The following SEC24D variants were observed in gnomAD, a reference collection of about 807,000 sequenced individuals.
The protein encoded by SEC24D is protein transport protein Sec24D.
In SEC24D, 69 loss-of-function variants were observed where a neutral mutation model predicts 116.9. The observed-to-expected ratio is 0.59, with a 90% CI of 0.49 to 0.72. The LOEUF (loss-of-function observed/expected upper bound fraction) is 0.72, where lower values mean the gene tolerates loss of function less well. SEC24D is among the 30% of genes least tolerant of loss of function. The probability of loss-of-function intolerance (pLI) is 0.00; values close to 1 mark genes in which losing one functional copy is unlikely to be tolerated. For missense variants in SEC24D, 1,131 were observed against 1,264.1 expected (o/e 0.89, Z 1.60); for synonymous variants, 405 against 442.8 (o/e 0.91, Z 1.07).
At chr4:118,781,204 A>C (rs188881744) in intron 8 of SEC24D, among the ~76,000 whole-genome samples, 1 of 152,150 alleles carries the variant, frequency 6.6e-6, no homozygotes, top group Admixed American at 6.5e-5. Flanking sequence ...ACAATTTGGC[A>C]TGTTTTTGCA....
chr4:118,824,670 G>A lies in SEC24D; in HGVS notation c.198C>T (p.Pro66=). Reference sequence around the variant, plus strand: ...GAGCTCCATTCTGACCAAACTGATGGGGTCCAGGAGGTGGGGGACCCGGAG... The same window carrying A: ...GAGCTCCATTCTGACCAAACTGATGAGGTCCAGGAGGTGGGGGACCCGGAG... ...MLPPGPPPPG[P]HQFGQNGAHA... Residue 66 remains proline, a synonymous_variant, in exon 3 of 23, where the codon CCC becomes CCT. Transcript: ENST00000280551. The A allele has an allele frequency of 6.2e-7, 1 of 1,608,540 alleles. No homozygotes were observed. The highest frequency in any genetic ancestry group is 8.5e-7 in the Non-Finnish European group (1 of 1,177,910).
intron 6 of SEC24D, among the ~76,000 whole-genome samples, chr4:118,811,060 T>A (rs528979187): frequency 1.3e-5 from 2 of 152,178 alleles, no homozygotes; most frequent in African/African-American, 4.8e-5. Context: ...TAACAGGAAG[T>A]CATTGGTAAT....
intron 8 of SEC24D, among the ~76,000 whole-genome samples, chr4:118,782,717 C>T (rs1187946800): frequency 6.6e-6 from 1 of 152,240 alleles, no homozygotes; most frequent in Non-Finnish European, 1.5e-5. Flanking sequence ...GTGGAGTCAA[C>T]AGAGGCAGCA....
intron 19 of SEC24D, 169 bp downstream of exon 19, chr4:118,738,089 TAAA>T (rs577051087): frequency 6.7e-6 from 3 of 448,700 alleles, no homozygotes; most frequent in Non-Finnish European, 1.2e-5. Context: ...ATGTTGGCTA[TAAA>T]AAAAAAAACC....
In SEC24D at chr4:118,757,825, T is replaced by C. The variant is rs1380493546; in HGVS notation, c.1317A>G (p.Pro439=). 1.2e-6 allele frequency: 2 copies of C among 1,611,140 alleles called. No individual in the cohort carries two copies. Among genetic ancestry groups the C allele is most frequent in the Non-Finnish European group, 1.7e-6 (2 of 1,178,680 alleles). Residue 439 remains proline, a synonymous_variant, in exon 11 of 23, where the codon CCA becomes CCG. Coordinates refer to ENST00000280551, the MANE Select transcript of SEC24D (RefSeq NM_014822.4). ...CATCAATCATGAAGATAAAGGCTGGTGGGTTGGGAGGCTTACTCTTCTATA... is the reference window on the plus strand; with the variant it reads ...CATCAATCATGAAGATAAAGGCTGGCGGGTTGGGAGGCTTACTCTTCTATA... The part of the protein sequence containing the change: ...DYCRKSKPPN[P]PAFIFMIDVS...
intron 2 of SEC24D, chr4:118,833,353 GTT>G (rs1730956363): frequency 2.6e-6 from 1 of 379,192 alleles, no homozygotes; most frequent in African/African-American, 2.1e-5. Flanking sequence ...AACAGGAAGT[GTT>G]TGTTTTAGTC....
chr4:118,770,284 G>GT (rs1309650054), intron 8 of SEC24D, among the ~76,000 whole-genome samples: 2 of 152,130 alleles, frequency 1.3e-5, no homozygotes, highest in African/African-American at 4.8e-5. Flanking sequence ...TCTTCAGCTG[G>GT]TAATAGGAAG....
At position 118,781,643 on chromosome 4, in the gene SEC24D, A is replaced by G. The variant is rs1381210966; in HGVS notation, c.1042-13332T>C. Among the ~76,000 whole-genome samples, 7 of 152,236 alleles carry G rather than the reference A, an allele frequency of 4.6e-5. No individual in the cohort carries two copies. In the East Asian group the frequency reaches 1.3e-3, roughly 29 times the overall value. On this transcript the variant is annotated intron_variant, in intron 8 of 22. Transcript: ENST00000280551. ...AATTTGAATGTTAGCCTGTCTTGCT[A>G]GGTTGGGGAAGTTCTCCTGGATAAT... is the stretch of plus-strand genomic sequence containing the variant.
intron 2 of SEC24D, among the ~76,000 whole-genome samples, chr4:118,830,645 A>ATTT (rs55741628): frequency 6.7e-6 from 1 of 149,590 alleles, no homozygotes. Flanking sequence ...GCCAATTAAA[A>ATTT]TTTTTTTTTT....
intron 8 of SEC24D, among the ~76,000 whole-genome samples, chr4:118,778,594 T>C (rs1192479954): frequency 2.0e-5 from 3 of 152,220 alleles, no homozygotes; most frequent in Non-Finnish European, 4.4e-5. Flanking sequence ...ATGCAGGCTC[T>C]TTTTTGGTTC....
intron 3 of SEC24D, among the ~76,000 whole-genome samples, chr4:118,821,324 G>A (rs1730392376): frequency 6.6e-6 from 1 of 152,066 alleles, no homozygotes; most frequent in South Asian, 2.1e-4. Flanking sequence ...TTCTTCATCA[G>A]AATACATCAC....
chr4:118,735,004 T>A (rs1478962704), intron 19 of SEC24D, among the ~76,000 whole-genome samples: 6 of 152,232 alleles, frequency 3.9e-5, no homozygotes, highest in African/African-American at 2.4e-5. Context: ...TAGATTCCTG[T>A]ATAAAGCATG....
chr4:118,804,455 T>C (rs1729581601), intron 7 of SEC24D, among the ~76,000 whole-genome samples: 1 of 152,010 alleles, frequency 6.6e-6, no homozygotes, highest in Admixed American at 6.5e-5. Flanking sequence ...GAATATTCTT[T>C]AGGTTGAAAA....
At chr4:118,724,447 GA>G (rs1241400471) in intron 22 of SEC24D, among the ~76,000 whole-genome samples, 1 of 151,166 alleles carries the variant, frequency 6.6e-6, no homozygotes, top group Non-Finnish European at 1.5e-5. Flanking sequence ...TAAGATTCTA[GA>G]AAAAAATAGA....
intron 7 of SEC24D, among the ~76,000 whole-genome samples, chr4:118,799,254 G>A (rs1294456290): frequency 2.0e-5 from 3 of 152,196 alleles, no homozygotes; most frequent in Non-Finnish European, 4.4e-5. Flanking sequence ...GGTCAAGAAC[G>A]ACTCTTAAGA....
Position 118,833,639 on chromosome 4 carries a change from C to T in SEC24D, c.58G>A (p.Gly20Ser). The T allele has an allele frequency of 6.2e-7, 1 of 1,614,040 alleles. No homozygotes were observed. Among genetic ancestry groups the T allele is most frequent in the Non-Finnish European group, 8.5e-7 (1 of 1,179,986 alleles). ...PPYSQPQPGI[G>S]LSPPHYGHYG... is the part of the protein sequence containing the mutation. Reference sequence around the variant, plus strand: ...TGCCCATAATGAGGTGGAGAAAGGCCTATTCCAGGCTGAGGCTGAGAATAC... The same window carrying T: ...TGCCCATAATGAGGTGGAGAAAGGCTTATTCCAGGCTGAGGCTGAGAATAC... Residue 20 changes from glycine to serine, a missense_variant, in exon 2 of 23, where the codon GGC (glycine) becomes AGC (serine). By Grantham distance (56) the Gly-to-Ser change is moderately conservative (BLOSUM62 0). Transcript: ENST00000280551.
chr4:118,805,768 G>T, intron 7 of SEC24D, 75 bp downstream of exon 7: 1 of 772,934 alleles, frequency 1.3e-6, no homozygotes, highest in Non-Finnish European at 2.1e-6. Flanking sequence ...ATTATTGAAG[G>T]GTGTCAGTGT....
At chr4:118,783,343 C>T (rs1001696042) in intron 8 of SEC24D, among the ~76,000 whole-genome samples, 1 of 152,210 alleles carries the variant, frequency 6.6e-6, no homozygotes, top group Non-Finnish European at 1.5e-5. Context: ...CCCAGGCAGA[C>T]GTTATCCCCC....
chr4:118,767,357 A>G (rs896874519), intron 9 of SEC24D, among the ~76,000 whole-genome samples: 1 of 152,232 alleles, frequency 6.6e-6, no homozygotes, highest in Non-Finnish European at 1.5e-5. Context: ...GGGTAGAACC[A>G]TGTGTTCACA....
Sources: gnomAD v4.1 joint callset for allele counts (sites outside exome capture counted in the v4.1 genomes callset) on GRCh38, gnomAD v4.1.1 for gene constraint, MANE v1.5 for transcripts, NCBI Gene and HGNC (gene_info 2026-07-23, HGNC 2026-07-21) for gene names.